NOL4: variants seen among roughly 807,000 people sequenced by gnomAD.
NOL4 encodes cancer/testis antigen 125.
NOL4 carries 17 observed loss-of-function variants against 75.9 expected under a neutral mutation model. The observed-to-expected ratio is 0.22, with a 90% confidence interval of 0.15 to 0.34. NOL4 has a LOEUF of 0.34. Ranked by LOEUF, NOL4 falls within the 10% of genes least tolerant of loss-of-function variation. The pLI, the probability that NOL4 is intolerant of heterozygous loss-of-function variation, is 1.00. For missense variants in NOL4, 614 were observed against 793.5 expected (o/e 0.77, Z 2.72); for synonymous variants, 292 against 289.9 (o/e 1.01, Z -0.07).
Position 34,197,399 on chromosome 18 carries a change from C to T in NOL4, c.264+25591G>A, listed in dbSNP as rs957040817. Among the ~76,000 whole-genome samples, 8 of 152,004 alleles carry T rather than the reference C, an allele frequency of 5.3e-5. No individual in the cohort carries two copies. In the South Asian group the frequency reaches 6.2e-4, roughly 12 times the overall value. Reference sequence around the variant, plus strand: ...AGCAAATGAGTATTTGACTTGTCTACGGTAAACACAGATGTATAGGCTGAT... The same window carrying T: ...AGCAAATGAGTATTTGACTTGTCTATGGTAAACACAGATGTATAGGCTGAT... On this transcript the variant is annotated intron_variant, in intron 1 of 10. Transcript: ENST00000261592.
At chr18:33,996,754 G>A (rs182248499) in intron 6 of NOL4, among the ~76,000 whole-genome samples, 315 of 151,892 alleles carry the variant, frequency 2.1e-3, no homozygotes, top group Middle Eastern at 0.01. Flanking sequence ...CTTCTTTTAC[G>A]GCTGCATAGT....
At chr18:34,046,607 C>CATACATATATATAT (rs1555703523) in intron 5 of NOL4, among the ~76,000 whole-genome samples, 1 of 81,658 alleles carries the variant, frequency 1.2e-5, no homozygotes, top group African/African-American at 4.7e-5. Flanking sequence ...TTTACTTATA[C>CATACATATATATAT]ATATATATAT....
intron 9 of NOL4, among the ~76,000 whole-genome samples, chr18:33,901,508 G>A (rs1272535019): frequency 6.6e-6 from 1 of 152,046 alleles, no homozygotes; most frequent in Non-Finnish European, 1.5e-5. Context: ...TATTTACTTT[G>A]TGTAATTTAA....
chr18:33,923,205 T>C (rs1322044328), intron 9 of NOL4, among the ~76,000 whole-genome samples: 1 of 152,130 alleles, frequency 6.6e-6, no homozygotes, highest in Non-Finnish European at 1.5e-5. Context: ...CCTTTCTTGA[T>C]GTCTATTTCA....
intron 9 of NOL4, among the ~76,000 whole-genome samples, chr18:33,895,721 A>G (rs2065358299): frequency 6.6e-6 from 1 of 152,180 alleles, no homozygotes; most frequent in South Asian, 2.1e-4. Context: ...AAAACGCTGG[A>G]AGCATTTCTT....
chr18:34,104,453 C>G (rs1287018794), intron 3 of NOL4, among the ~76,000 whole-genome samples: 2 of 151,826 alleles, frequency 1.3e-5, no homozygotes, highest in Admixed American at 6.6e-5. Context: ...TATTTTTCTT[C>G]TTTGCTTTAC....
At chr18:33,860,010 G>A (rs2063025422) in intron 10 of NOL4, among the ~76,000 whole-genome samples, 1 of 152,052 alleles carries the variant, frequency 6.6e-6, no homozygotes, top group African/African-American at 2.4e-5. Flanking sequence ...TGCATGGCTG[G>A]GGAGGCCTCA....
chr18:33,910,650 C>G (rs2066340009), intron 9 of NOL4, among the ~76,000 whole-genome samples: 1 of 152,034 alleles, frequency 6.6e-6, no homozygotes. Context: ...TTATTAATAT[C>G]TCTCTCCTGC....
intron 1 of NOL4, among the ~76,000 whole-genome samples, chr18:34,209,194 C>CA (rs777403436): frequency 0.035 from 1,935 of 55,328 alleles, 45 homozygotes; most frequent in African/African-American, 0.065. Context: ...ACTCTGTCTC[C>CA]AAAAAAAAAA....
At chr18:34,163,967 C>T (rs567644480) in intron 1 of NOL4, among the ~76,000 whole-genome samples, 1 of 152,060 alleles carries the variant, frequency 6.6e-6, no homozygotes, top group African/African-American at 2.4e-5. Context: ...CTTTGACAAA[C>T]CTGAGAAAAA....
Position 34,014,721 on chromosome 18 carries a change from C to A in NOL4, c.1056+4597G>T, listed in dbSNP as rs150997084. Among the ~76,000 whole-genome samples, 233 of 151,980 alleles carry A rather than the reference C, an allele frequency of 1.5e-3. 2 individuals carry two copies. The highest frequency in any genetic ancestry group is 5.4e-3 in the African/African-American group (222 of 41,492). On this transcript the variant is annotated intron_variant, in intron 6 of 10. Transcript: ENST00000261592. ...TGTCCTTTTAAAATGCGGCCATCAG[C>A]AAGTAGAAAATAAATATCACCTAAC...
chr18:33,954,455 C>G (rs955608718), intron 8 of NOL4, among the ~76,000 whole-genome samples: 2 of 151,768 alleles, frequency 1.3e-5, no homozygotes, highest in African/African-American at 4.8e-5. Context: ...ATAAAATGCT[C>G]TTTCGAGAAA....
At chr18:33,882,162 A>G (rs962037694) in intron 10 of NOL4, among the ~76,000 whole-genome samples, 1 of 152,214 alleles carries the variant, frequency 6.6e-6, no homozygotes, top group African/African-American at 2.4e-5. Context: ...CTTCATGTCT[A>G]AAACACCAAA....
At chr18:34,208,437 A>G (rs2036273067) in intron 1 of NOL4, among the ~76,000 whole-genome samples, 1 of 151,876 alleles carries the variant, frequency 6.6e-6, no homozygotes, top group Non-Finnish European at 1.5e-5. Context: ...AGATGACAAG[A>G]AAAAGATTAA....
intron 6 of NOL4, among the ~76,000 whole-genome samples, chr18:33,980,591 AGAAGAG>A (rs2071873398): frequency 6.6e-6 from 1 of 151,988 alleles, no homozygotes; most frequent in Non-Finnish European, 1.5e-5. Flanking sequence ...TGTACCACCA[AGAAGAG>A]TGGAAAGACA....
rs537587822 is a variant in NOL4, at chr18:34,012,638, C to T, written c.1056+6680G>A. On this transcript the variant is annotated intron_variant, in intron 6 of 10. Transcript: ENST00000261592. Reference sequence around the variant, plus strand: ...TAAAAGAACCACTCTCATTCAATTACGCATTCATTTACATTTATGAACCAA... The same window carrying T: ...TAAAAGAACCACTCTCATTCAATTATGCATTCATTTACATTTATGAACCAA... Among the ~76,000 whole-genome samples the T allele has an allele frequency of 1.5e-3, 226 of 151,946 alleles. 6 individuals carry two copies. Among genetic ancestry groups the T allele is most frequent in the Admixed American group, 8.5e-4 (13 of 15,212 alleles).
chr18:33,980,938 A>C (rs2145978245), intron 6 of NOL4, among the ~76,000 whole-genome samples: 1 of 152,200 alleles, frequency 6.6e-6, no homozygotes, highest in Non-Finnish European at 1.5e-5. Context: ...TGGGGAATCT[A>C]ATAGAAAAAC....
At chr18:33,963,165 GAC>G (rs1467195989) in intron 6 of NOL4, among the ~76,000 whole-genome samples, 1 of 152,090 alleles carries the variant, frequency 6.6e-6, no homozygotes, top group Non-Finnish European at 1.5e-5. Flanking sequence ...TACTTAATTT[GAC>G]ACAGATTTAA....
chr18:34,036,196 T>C (rs2075888096), intron 5 of NOL4, among the ~76,000 whole-genome samples: 3 of 152,102 alleles, frequency 2.0e-5, no homozygotes, highest in Admixed American at 2.0e-4. Context: ...CCAATATTCA[T>C]GATGAACAGA....
Sources: gnomAD v4.1 joint callset for allele counts (sites outside exome capture counted in the v4.1 genomes callset) on GRCh38, gnomAD v4.1.1 for gene constraint, MANE v1.5 for transcripts, NCBI Gene and HGNC (gene_info 2026-07-23, HGNC 2026-07-21) for gene names.